The following MACROD2 variants were observed in gnomAD, a reference collection of about 807,000 sequenced individuals.
The protein encoded by MACROD2 is ADP-ribose glycohydrolase MACROD2.
Under a neutral mutation model 70.4 loss-of-function variants are expected in MACROD2, and 36 were observed. The ratio of observed to expected loss-of-function variants is 0.51; its 90% CI spans 0.39 to 0.68. The LOEUF is 0.68. MACROD2 is among the 30% of genes least tolerant of loss of function. The pLI, the probability that MACROD2 is intolerant of heterozygous loss-of-function variation, is 0.00. For missense variants in MACROD2, 496 were observed against 538.4 expected (o/e 0.92, Z 0.78); for synonymous variants, 172 against 178.8 (o/e 0.96, Z 0.30).
chr20:14,068,093 A>G (rs2053789858), intron 2 of MACROD2, among the ~76,000 whole-genome samples: 3 of 152,232 alleles, frequency 2.0e-5, no homozygotes, highest in Admixed American at 6.5e-5. Context: ...TAAAGATACA[A>G]TGCTGAACGC....
intron 5 of MACROD2, among the ~76,000 whole-genome samples, chr20:14,845,633 A>G (rs886090872): frequency 6.6e-6 from 1 of 152,068 alleles, no homozygotes; most frequent in African/African-American, 2.4e-5. Context: ...TCTTGTACAG[A>G]ATTCCTGGAT....
chr20:16,027,520 G>A lies in MACROD2; in HGVS notation c.1154-13681G>A, dbSNP rs571575493. Among the ~76,000 whole-genome samples, 10 of 152,318 alleles carry A rather than the reference G, an allele frequency of 6.6e-5. No individual in the cohort carries two copies. The South Asian group carries it at 2.1e-3, about 32-fold the overall frequency. Reference sequence around the variant, plus strand: ...GATTTCAACCCTCGCCATCAGAGATGCTTCTTCTGTGGGCCTTAAGTGTAT... The same window carrying A: ...GATTTCAACCCTCGCCATCAGAGATACTTCTTCTGTGGGCCTTAAGTGTAT... On this transcript the variant is annotated intron_variant, in intron 15 of 17. Transcript: ENST00000684519.
At chr20:14,822,935 T>C (rs1163462372) in intron 5 of MACROD2, among the ~76,000 whole-genome samples, 9 of 152,102 alleles carry the variant, frequency 5.9e-5, no homozygotes, top group Admixed American at 5.9e-4. Flanking sequence ...TTAGGCAAAT[T>C]TTCTCAGTTT....
rs546865935 is a variant in MACROD2 at position 14,070,619 on chromosome 20, A to G, written c.164-15002A>G. Among the ~76,000 whole-genome samples the G allele has an allele frequency of 3.9e-5, 6 of 152,258 alleles. No individual in the cohort carries two copies. The East Asian group carries it at 1.2e-3, about 29-fold the overall frequency. On this transcript the variant is annotated intron_variant, in intron 2 of 17. Coordinates refer to ENST00000684519, the MANE Select transcript of MACROD2 (RefSeq NM_001351661.2). ...TTGGTTTTTCTTTTGGGGAGCGGGA[A>G]TGTTGATTTAAATCTGTATCCACAT... is the stretch of plus-strand genomic sequence containing the variant.
chr20:15,909,949 A>C (rs1484143696), intron 10 of MACROD2, among the ~76,000 whole-genome samples: 7 of 152,176 alleles, frequency 4.6e-5, no homozygotes, highest in African/African-American at 1.4e-4. Flanking sequence ...TACTTTGTAT[A>C]ATAATGGGGC....
At chr20:14,474,869 A>C (rs531211695) in intron 3 of MACROD2, among the ~76,000 whole-genome samples, 1 of 152,240 alleles carries the variant, frequency 6.6e-6, no homozygotes, top group East Asian at 1.9e-4. Context: ...CTTACAGGTA[A>C]AGTGAGTTTC....
intron 3 of MACROD2, among the ~76,000 whole-genome samples, chr20:14,140,568 A>G (rs183505055): frequency 2.6e-5 from 4 of 152,312 alleles, no homozygotes; most frequent in Admixed American, 1.3e-4. Flanking sequence ...TATTTTTAAT[A>G]TACATATACC....
intron 6 of MACROD2, among the ~76,000 whole-genome samples, chr20:15,330,273 TACA>T: frequency 6.8e-6 from 1 of 147,954 alleles, no homozygotes; most frequent in South Asian, 2.2e-4. Flanking sequence ...TTTCCTCCCC[TACA>T]ACGTGTTTTA....
chr20:15,390,247 T>C (rs1360916957), intron 6 of MACROD2, among the ~76,000 whole-genome samples: 2 of 152,148 alleles, frequency 1.3e-5, no homozygotes, highest in Non-Finnish European at 2.9e-5. Context: ...TCCTGATCCT[T>C]CTGCCATTAA....
intron 3 of MACROD2, among the ~76,000 whole-genome samples, chr20:14,396,948 T>C (rs1432194068): frequency 1.5e-5 from 2 of 137,064 alleles, no homozygotes; most frequent in Non-Finnish European, 3.2e-5. Context: ...AAATCCAATC[T>C]GATAGTTGTT....
chr20:15,588,241 G>A (rs2048629390), intron 8 of MACROD2, among the ~76,000 whole-genome samples: 1 of 152,162 alleles, frequency 6.6e-6, no homozygotes, highest in Admixed American at 6.5e-5. Context: ...TTTCAGCCAT[G>A]GCTGGAGTGG....
At chr20:14,534,326 T>C (rs2085339862) in intron 4 of MACROD2, among the ~76,000 whole-genome samples, 1 of 152,216 alleles carries the variant, frequency 6.6e-6, no homozygotes, top group Non-Finnish European at 1.5e-5. Context: ...GGATTTTTAT[T>C]CTTTGACTCA....
At chr20:14,573,885 TC>T (rs1368658689) in intron 4 of MACROD2, among the ~76,000 whole-genome samples, 1 of 152,162 alleles carries the variant, frequency 6.6e-6, no homozygotes, top group Non-Finnish European at 1.5e-5. Context: ...GAAGAAGAGT[TC>T]CAAAGTCCAG....
intron 5 of MACROD2, among the ~76,000 whole-genome samples, chr20:14,840,207 T>C (rs1358068413): frequency 1.3e-5 from 2 of 151,920 alleles, no homozygotes; most frequent in Non-Finnish European, 2.9e-5. Flanking sequence ...CTGGCTAATT[T>C]TTGTATTTTT....
chr20:15,160,605 G>T (rs997073255), intron 5 of MACROD2, among the ~76,000 whole-genome samples: 1 of 151,964 alleles, frequency 6.6e-6, no homozygotes, highest in African/African-American at 2.4e-5. Flanking sequence ...AAATAGACAC[G>T]ATCCCATTTA....
chr20:15,263,604 T>C (rs981495160), intron 6 of MACROD2, among the ~76,000 whole-genome samples: 3 of 152,140 alleles, frequency 2.0e-5, no homozygotes, highest in African/African-American at 7.2e-5. Flanking sequence ...GCATTGAATC[T>C]GTATCTCGCT....
At chr20:15,459,084 G>C (rs978419850) in intron 7 of MACROD2, among the ~76,000 whole-genome samples, 6 of 152,114 alleles carry the variant, frequency 3.9e-5, no homozygotes, top group Admixed American at 1.3e-4. Context: ...CCACTTGGAG[G>C]TCTGAGGAAA....
chr20:15,178,222 T>G (rs1459832714), intron 5 of MACROD2, among the ~76,000 whole-genome samples: 2 of 152,194 alleles, frequency 1.3e-5, no homozygotes, highest in African/African-American at 4.8e-5. Flanking sequence ...TTTCTCTCCT[T>G]CCTTCTCTTG....
chr20:14,873,129 A>G (rs2122432461), intron 5 of MACROD2, among the ~76,000 whole-genome samples: 1 of 152,240 alleles, frequency 6.6e-6, no homozygotes, highest in East Asian at 1.9e-4. Flanking sequence ...AACTCTAAGA[A>G]AGGGTAGCAT....
Sources: gnomAD v4.1 joint callset for allele counts (sites outside exome capture counted in the v4.1 genomes callset) on GRCh38, gnomAD v4.1.1 for gene constraint, MANE v1.5 for transcripts, NCBI Gene and HGNC (gene_info 2026-07-23, HGNC 2026-07-21) for gene names.